The following CSMD1 variants were observed in gnomAD, a reference collection of about 807,000 sequenced individuals.
The protein encoded by CSMD1 is CUB and Sushi multiple domains 1.
In CSMD1, 213 loss-of-function variants were observed where a neutral mutation model predicts 417.5. The ratio of observed to expected loss-of-function variants is 0.51; its 90% confidence interval spans 0.46 to 0.57. The LOEUF (loss-of-function observed/expected upper bound fraction) is 0.57, where lower values mean the gene tolerates loss of function less well. Ranked by LOEUF, CSMD1 falls within the 20% of genes least tolerant of loss-of-function variation. The probability of loss-of-function intolerance (pLI) is 0.00; values close to 1 mark genes in which losing one functional copy is unlikely to be tolerated. For synonymous variants in CSMD1, 2,862 were observed against 1,736.8 expected (o/e 1.65, Z -16.11); for missense variants, 6,923 against 4,529.7 (o/e 1.53, Z -15.17).
chr8:4,864,579 G>C (rs10113625), intron 1 of CSMD1, among the ~76,000 whole-genome samples: 10,163 of 151,344 alleles, frequency 0.067, 1,029 homozygotes, highest in African/African-American at 0.21. Context: ...AGTTCATAAT[G>C]ATCTTTATTT....
chr8:4,974,849 G>T (rs138742493), intron 1 of CSMD1, among the ~76,000 whole-genome samples: 1 of 152,140 alleles, frequency 6.6e-6, no homozygotes, highest in Non-Finnish European at 1.5e-5. Flanking sequence ...ATGTTATTAA[G>T]CATTATAACT....
chr8:3,905,073 T>C (rs1167774463), intron 5 of CSMD1, among the ~76,000 whole-genome samples: 3 of 152,214 alleles, frequency 2.0e-5, no homozygotes, highest in Non-Finnish European at 2.9e-5. Context: ...ATAGGACCTA[T>C]GTGTATCCAA....
At chr8:4,601,372 T>C (rs1800570888) in intron 2 of CSMD1, among the ~76,000 whole-genome samples, 1 of 152,214 alleles carries the variant, frequency 6.6e-6, no homozygotes, top group Non-Finnish European at 1.5e-5. Context: ...CTGAAGTGTC[T>C]GTTATCATGG....
intron 1 of CSMD1, among the ~76,000 whole-genome samples, chr8:4,943,250 CTT>C (rs1424014231): frequency 6.6e-6 from 1 of 152,120 alleles, no homozygotes; most frequent in Non-Finnish European, 1.5e-5. Flanking sequence ...AATCCCAGCA[CTT>C]TGGGCGGCCC....
intron 2 of CSMD1, among the ~76,000 whole-genome samples, chr8:4,566,339 A>G (rs1032876065): frequency 6.6e-6 from 1 of 152,186 alleles, no homozygotes; most frequent in Non-Finnish European, 1.5e-5. Context: ...GTATGACAAG[A>G]GTCCATGAAA....
chr8:4,372,385 C>T (rs1171953381), intron 3 of CSMD1, among the ~76,000 whole-genome samples: 1 of 152,098 alleles, frequency 6.6e-6, no homozygotes. Context: ...TCCATTGCTG[C>T]TGTCAAAAGG....
chr8:3,753,403 G>A (rs958363471), intron 6 of CSMD1, among the ~76,000 whole-genome samples: 6 of 152,138 alleles, frequency 3.9e-5, no homozygotes, highest in Non-Finnish European at 8.8e-5. Context: ...TCATTACCAA[G>A]CTCTGTCCTA....
chr8:4,980,172 G>A (rs1270566212), intron 1 of CSMD1, among the ~76,000 whole-genome samples: 2 of 152,202 alleles, frequency 1.3e-5, no homozygotes, highest in African/African-American at 2.4e-5. Context: ...AGAGAGTTCT[G>A]TGTCACCAGT....
chr8:3,903,510 A>G (rs949229791), intron 5 of CSMD1, among the ~76,000 whole-genome samples: 2 of 152,212 alleles, frequency 1.3e-5, no homozygotes, highest in African/African-American at 4.8e-5. Context: ...TGTGCTTCTC[A>G]TATACAGATA....
intron 1 of CSMD1, among the ~76,000 whole-genome samples, chr8:4,956,319 A>G (rs111402365): frequency 0.022 from 3,375 of 151,778 alleles, 116 homozygotes; most frequent in African/African-American, 0.075. Context: ...CATATGAATA[A>G]TAAAAATAAT....
chr8:3,010,964 G>C lies in CSMD1; in HGVS notation c.8029+7513C>G, dbSNP rs575562481. 5.3e-5 allele frequency among the ~76,000 whole-genome samples: 8 copies of C among 152,166 alleles called. No individual in the cohort carries two copies. The East Asian group carries it at 1.6e-3, about 30-fold the overall frequency. ...GCTGGTCTGGAACTCCTGACCTCGT[G>C]ATCTGCCCACCTCGGCCTCCCAAAG... On this transcript the variant is annotated intron_variant, in intron 52 of 69. Transcript: ENST00000635120.
intron 55 of CSMD1, among the ~76,000 whole-genome samples, chr8:2,977,397 C>T (rs1805018580): frequency 6.6e-6 from 1 of 152,170 alleles, no homozygotes; most frequent in African/African-American, 2.4e-5. Context: ...TAATGGCTTC[C>T]AAGCTCCATC....
intron 37 of CSMD1, 142 bp from the exon 38 acceptor site, chr8:3,162,419 G>A (rs1247608762): frequency 6.4e-6 from 4 of 629,288 alleles, no homozygotes; most frequent in Non-Finnish European, 1.1e-5. Context: ...ATTCTACCAA[G>A]AAGACTTTGA....
intron 9 of CSMD1, among the ~76,000 whole-genome samples, chr8:3,585,020 G>C (rs1584923448): frequency 6.6e-6 from 1 of 152,140 alleles, no homozygotes. Context: ...TCTCCTGAAG[G>C]GTCTCCATTT....
chr8:4,196,138 GA>G (rs1799327521), intron 3 of CSMD1, among the ~76,000 whole-genome samples: 1 of 152,094 alleles, frequency 6.6e-6, no homozygotes, highest in Non-Finnish European at 1.5e-5. Context: ...TTGAACCCGG[GA>G]AGTGGAGCTT....
intron 51 of CSMD1, among the ~76,000 whole-genome samples, chr8:3,027,120 T>A (rs1009401212): frequency 3.3e-5 from 5 of 152,152 alleles, no homozygotes; most frequent in Non-Finnish European, 5.9e-5. Context: ...AAAATTTTTT[T>A]AAATGTTTAA....
intron 5 of CSMD1, among the ~76,000 whole-genome samples, chr8:3,899,408 T>G (rs1477675425): frequency 6.6e-6 from 1 of 152,194 alleles, no homozygotes; most frequent in African/African-American, 2.4e-5. Context: ...GTATGCTGAT[T>G]ACTTCAACAT....
intron 2 of CSMD1, among the ~76,000 whole-genome samples, chr8:4,467,611 A>G (rs905191330): frequency 4.6e-5 from 7 of 152,232 alleles, no homozygotes; most frequent in African/African-American, 1.7e-4. Context: ...AGTGCATTAT[A>G]ACAATTCTTT....
chr8:4,802,128 G>C (rs574388253), intron 1 of CSMD1, among the ~76,000 whole-genome samples: 1 of 152,176 alleles, frequency 6.6e-6, no homozygotes, highest in African/African-American at 2.4e-5. Context: ...GCCATCTGGA[G>C]GGATCTCAAA....
Sources: allele counts gnomAD v4.1 joint callset (sites outside exome capture counted in the v4.1 genomes callset), GRCh38; gene constraint gnomAD v4.1.1; transcripts MANE v1.5; gene names NCBI Gene and HGNC (gene_info 2026-07-23, HGNC 2026-07-21).